Variants in TMEM272 observed in about 807,000 individuals in gnomAD.
TMEM272 encodes the protein long intergenic non-protein coding RNA 282.
In TMEM272, 8 loss-of-function variants were observed where a neutral mutation model predicts 3.7. The observed-to-expected ratio is 2.17, with a 90% CI of 1.27 to 3.91. The LOEUF (loss-of-function observed/expected upper bound fraction) is 3.91. TMEM272 is among the 30% of genes most tolerant of loss of function. TMEM272 has a pLI of 0.00. For missense variants in TMEM272, 166 were observed against 91.5 expected (o/e 1.81, Z -3.32); for synonymous variants, 63 against 39.8 (o/e 1.58, Z -2.20).
the TMEM272 span, among the ~76,000 whole-genome samples, chr13:51,905,251 A>G: frequency 1.3e-5 from 2 of 151,472 alleles, no homozygotes; most frequent in Non-Finnish European, 3.0e-5. Flanking sequence ...CTGTCACGAC[A>G]CTGGACGAGG....
the TMEM272 span, among the ~76,000 whole-genome samples, chr13:51,906,362 C>T: frequency 6.6e-6 from 1 of 152,086 alleles, no homozygotes; most frequent in Non-Finnish European, 1.5e-5. Flanking sequence ...CTCCTAGGGC[C>T]CCAAGCCAAT....
At chr13:51,849,817 T>C (rs1468272308), upstream of TMEM272, among the ~76,000 whole-genome samples, 1 of 152,178 alleles carries the variant, frequency 6.6e-6, no homozygotes, top group African/African-American at 2.4e-5. Flanking sequence ...CAGGGGCAAG[T>C]GTCAGGGTTG....
At chr13:51,819,763 C>T (rs1225611520) in intron 4 of TMEM272, among the ~76,000 whole-genome samples, 3 of 152,138 alleles carry the variant, frequency 2.0e-5, no homozygotes, top group Non-Finnish European at 4.4e-5. Context: ...CAGCAAAAAG[C>T]ACATGCTTAC....
At chr13:51,864,162 T>G in the TMEM272 span, among the ~76,000 whole-genome samples, 2 of 151,822 alleles carry the variant, frequency 1.3e-5, no homozygotes, top group Non-Finnish European at 2.9e-5. Context: ...CCTCCCAGCT[T>G]TTATTTTATT....
At chr13:51,867,566 C>T in the TMEM272 span, among the ~76,000 whole-genome samples, 344 of 152,264 alleles carry the variant, frequency 2.3e-3, 1 homozygote, top group African/African-American at 7.3e-3. Context: ...GGCCGACTCC[C>T]AGGAGCAGCC....
the TMEM272 span, among the ~76,000 whole-genome samples, chr13:51,924,865 CAGA>C: frequency 1.3e-5 from 2 of 152,164 alleles, no homozygotes; most frequent in Non-Finnish European, 2.9e-5. Context: ...GCAGCATTCC[CAGA>C]AGATCTCTTC....
chr13:51,844,942 AG>A (rs1956291885), intron 1 of TMEM272, 73 bp downstream of exon 1: 1 of 152,250 alleles, frequency 6.6e-6, no homozygotes, highest in Non-Finnish European at 1.5e-5. Flanking sequence ...CATCTTCCTA[AG>A]AATGATTTCA....
chr13:51,858,011 C>T, the TMEM272 span, among the ~76,000 whole-genome samples: 5 of 152,060 alleles, frequency 3.3e-5, no homozygotes, highest in East Asian at 3.8e-4. Flanking sequence ...AAAGATAAAA[C>T]GGTGGCATTT....
the TMEM272 span, chr13:51,909,230 T>C: frequency 1.6e-6 from 2 of 1,239,898 alleles, no homozygotes; most frequent in Non-Finnish European, 2.4e-6. Flanking sequence ...CAGCAGTCCA[T>C]GCTGCCAAAC....
the TMEM272 span, among the ~76,000 whole-genome samples, chr13:51,929,541 A>G: frequency 6.6e-6 from 1 of 152,262 alleles, no homozygotes; most frequent in African/African-American, 2.4e-5. Context: ...GAGATAAGCC[A>G]CACTGTCCTG....
At chr13:51,835,966 T>C (rs1956213460) in intron 2 of TMEM272, among the ~76,000 whole-genome samples, 1 of 152,240 alleles carries the variant, frequency 6.6e-6, no homozygotes. Flanking sequence ...ATTCCAATGT[T>C]GATGACCTAA....
rs1955998921 is a variant in TMEM272, at chr13:51,814,527, G to C, written c.*2224C>G. ...AGTAGAGTGCAGTGGTGCAATCATA[G>C]CTCACTGTAACCTCAAACCAGGGAA... On this transcript the variant is annotated 3_prime_UTR_variant, in exon 5 of 5. Coordinates refer to ENST00000629372, the MANE Select transcript of TMEM272 (RefSeq NM_001351003.2). 6.6e-6 allele frequency: 1 copy of C among 152,254 alleles called. No homozygotes were observed. The highest frequency in any genetic ancestry group is 2.1e-4 in the South Asian group (1 of 4,836). The allele number at this position is 152,254 out of a possible 1,614,324, so 9.4% of individuals were successfully genotyped here. A position where few individuals can be genotyped will look rare whatever the true frequency, so the allele number is the denominator to read the frequency against.
chr13:51,868,901 T>C, the TMEM272 span, among the ~76,000 whole-genome samples: 3 of 152,226 alleles, frequency 2.0e-5, no homozygotes, highest in Admixed American at 1.3e-4. Flanking sequence ...ACTAAATTCA[T>C]CTTCCCCGCA....
At chr13:51,899,717 A>T in the TMEM272 span, among the ~76,000 whole-genome samples, 7 of 152,180 alleles carry the variant, frequency 4.6e-5, no homozygotes, top group Admixed American at 2.0e-4. Flanking sequence ...AAACTGGGGG[A>T]CTCAAGTTTC....
At chr13:51,925,593 G>A in the TMEM272 span, among the ~76,000 whole-genome samples, 1 of 152,092 alleles carries the variant, frequency 6.6e-6, no homozygotes, top group Admixed American at 6.5e-5. Context: ...CTCAGTTCCA[G>A]TAGTTACAGA....
At chr13:51,868,909 G>A in the TMEM272 span, among the ~76,000 whole-genome samples, 5 of 152,106 alleles carry the variant, frequency 3.3e-5, no homozygotes, top group South Asian at 8.3e-4. Context: ...CATCTTCCCC[G>A]CAAAGCCTGA....
the TMEM272 span, among the ~76,000 whole-genome samples, chr13:51,917,539 T>C: frequency 1.3e-5 from 2 of 152,154 alleles, no homozygotes; most frequent in Non-Finnish European, 2.9e-5. Context: ...AGTGAGCTGT[T>C]TTCTGGGAGA....
the TMEM272 span, among the ~76,000 whole-genome samples, chr13:51,872,834 T>C: frequency 4.6e-5 from 7 of 152,226 alleles, no homozygotes; most frequent in African/African-American, 1.7e-4. Flanking sequence ...GATTTTCAAC[T>C]CCAAGTTTTA....
intron 4 of TMEM272, among the ~76,000 whole-genome samples, chr13:51,820,642 T>C (rs1006913944): frequency 1.4e-4 from 21 of 152,174 alleles, no homozygotes; most frequent in Non-Finnish European, 1.0e-4. Flanking sequence ...GCTGGGCAGC[T>C]TGACGATGAG....
Sources: allele counts gnomAD v4.1 joint callset (sites outside exome capture counted in the v4.1 genomes callset), GRCh38; gene constraint gnomAD v4.1.1; transcripts MANE v1.5; gene names NCBI Gene and HGNC (gene_info 2026-07-23, HGNC 2026-07-21).